ANKH: variants seen among roughly 807,000 people sequenced by gnomAD.
The protein encoded by ANKH is ANKH inorganic pyrophosphate transport regulator.
In ANKH, 15 loss-of-function variants were observed where a neutral mutation model predicts 49.0. That is an observed-to-expected ratio of 0.31 (90% CI 0.20 to 0.47). The LOEUF (loss-of-function observed/expected upper bound fraction) is 0.47. Ranked by LOEUF, ANKH falls within the 20% of genes least tolerant of loss-of-function variation. The probability of loss-of-function intolerance (pLI) is 1.00; values close to 1 mark genes in which losing one functional copy is unlikely to be tolerated. For synonymous variants in ANKH, 273 were observed against 260.0 expected (o/e 1.05, Z -0.48); for missense variants, 429 against 652.0 (o/e 0.66, Z 3.72).
Position 14,770,970 on chromosome 5 carries a change from C to T in ANKH, c.97-1779G>A, listed in dbSNP as rs1739411236. On this transcript the variant is annotated intron_variant, in intron 1 of 11. Transcript: ENST00000284268. The surrounding 1 kb of genome is among the most constrained non-coding windows in gnomAD (Gnocchi z 4.1). ...TCATATTCAGTCTCTGCTATGTAAACTGAAAGAAGAAATGAAAGAAATGCA... is the reference window on the plus strand; with the variant it reads ...TCATATTCAGTCTCTGCTATGTAAATTGAAAGAAGAAATGAAAGAAATGCA... 6.6e-6 allele frequency among the ~76,000 whole-genome samples: 1 copy of T among 152,206 alleles called. No homozygotes were observed. The highest frequency in any genetic ancestry group is 6.5e-5 in the Admixed American group (1 of 15,280).
intron 1 of ANKH, among the ~76,000 whole-genome samples, chr5:14,806,341 T>A (rs1050698975): frequency 1.3e-4 from 19 of 151,134 alleles, no homozygotes; most frequent in African/African-American, 4.4e-4. Context: ...AAATACCCAA[T>A]CCATAGAAGC....
Position 14,780,109 on chromosome 5 carries a change from G to T in ANKH, c.97-10918C>A, listed in dbSNP as rs575093137. Among the ~76,000 whole-genome samples the T allele has an allele frequency of 2.7e-5, 4 of 150,492 alleles. No homozygotes were observed. The Admixed American group carries it at 2.7e-4, about 10-fold the overall frequency. ...GGAGAAGCTGAGTGTGCCGCTGACA[G>T]AGAACCACGTTTCACTGTGAATGAA... On this transcript the variant is annotated intron_variant, in intron 1 of 11. Transcript: ENST00000284268.
Position 14,709,632 on chromosome 5 carries a change from A to C in ANKH, c.*1565T>G, listed in dbSNP as rs987189439. 1 of 152,354 alleles carries C rather than the reference A, an allele frequency of 6.6e-6. No individual in the cohort carries two copies. Among genetic ancestry groups the C allele is most frequent in the African/African-American group, 2.4e-5 (1 of 41,430 alleles). The allele number at this position is 152,354 out of a possible 1,614,324, so 9.4% of individuals were successfully genotyped here. A position where few individuals can be genotyped will look rare whatever the true frequency, so the allele number is the denominator to read the frequency against. ...TTTTGCCTTTCCAGCTTGCACTTCT[A>C]TTCCTACTCCAGTGACCCATTTATT... On this transcript the variant is annotated 3_prime_UTR_variant, in exon 12 of 12. Coordinates refer to ENST00000284268, the MANE Select transcript of ANKH (RefSeq NM_054027.6).
chr5:14,745,515 T>C lies in ANKH; in HGVS notation c.915+355A>G, dbSNP rs990043426. On this transcript the variant is annotated intron_variant, in intron 7 of 11. Transcript: ENST00000284268. This position sits in a 1 kb window ranked among gnomAD's most constrained non-coding sequence, Gnocchi z 4.7. ...TACACCTTAGCCATCTGGTATGGGG[T>C]CAGCAAAGCATTCGTTTAAAGAAAC... Among the ~76,000 whole-genome samples the C allele has an allele frequency of 2.0e-5, 3 of 152,136 alleles. No homozygotes were observed. Among genetic ancestry groups the C allele is most frequent in the Non-Finnish European group, 2.9e-5 (2 of 68,028 alleles).
chr5:14,786,753 G>A (rs1739989045), intron 1 of ANKH, among the ~76,000 whole-genome samples: 1 of 152,206 alleles, frequency 6.6e-6, no homozygotes, highest in African/African-American at 2.4e-5. Flanking sequence ...TGTGGAAAAG[G>A]AATATATCAA....
In ANKH at chr5:14,858,428, C is replaced by T. The variant is rs568010089; in HGVS notation, c.96+12924G>A. Among the ~76,000 whole-genome samples the T allele has an allele frequency of 8.5e-5, 13 of 152,202 alleles. No homozygotes were observed. In the South Asian group the frequency reaches 1.5e-3, roughly 17 times the overall value. ...GGTTACAATATTGTTTTAAAATATACGCATAGTGCCAGATGTGGTGGCTCT... is the reference window on the plus strand; with the variant it reads ...GGTTACAATATTGTTTTAAAATATATGCATAGTGCCAGATGTGGTGGCTCT... On this transcript the variant is annotated intron_variant, in intron 1 of 11. Coordinates refer to ENST00000284268, the MANE Select transcript of ANKH (RefSeq NM_054027.6).
chr5:14,761,804 C>A (rs113527248), intron 2 of ANKH, among the ~76,000 whole-genome samples: 5,559 of 151,470 alleles, frequency 0.037, 128 homozygotes, highest in Non-Finnish European at 0.046. Context: ...CGCTCTGTCT[C>A]GCCCAGGGTG....
At chr5:14,775,272 T>C (rs1384150388) in intron 1 of ANKH, among the ~76,000 whole-genome samples, 2 of 152,112 alleles carry the variant, frequency 1.3e-5, no homozygotes, top group Non-Finnish European at 2.9e-5. Flanking sequence ...TCTTGCTGTG[T>C]GGCCCAGGCT....
At chr5:14,723,138 TG>T (rs1737720920) in intron 8 of ANKH, among the ~76,000 whole-genome samples, 15 of 151,986 alleles carry the variant, frequency 9.9e-5, no homozygotes, top group Non-Finnish European at 4.4e-5. Flanking sequence ...CATAATGTGG[TG>T]TCTTGGATGA....
intron 1 of ANKH, among the ~76,000 whole-genome samples, chr5:14,793,133 CACTT>C (rs1213212253): frequency 5.0e-4 from 70 of 140,774 alleles, no homozygotes; most frequent in Middle Eastern, 4.0e-3. Flanking sequence ...AATAAAACAA[CACTT>C]AGTTACAACA....
At chr5:14,869,412 C>A (rs890032997) in intron 1 of ANKH, 1 of 152,224 alleles carries the variant, frequency 6.6e-6, no homozygotes, top group Non-Finnish European at 1.5e-5. Flanking sequence ...AAAATATCTC[C>A]GCCCTCCAGG....
chr5:14,811,143 C>T (rs1353937278), intron 1 of ANKH, among the ~76,000 whole-genome samples: 5 of 151,402 alleles, frequency 3.3e-5, no homozygotes, highest in African/African-American at 4.9e-5. Flanking sequence ...ATTCTGAACA[C>T]GTTACTTTGG....
At chr5:14,848,268 G>A (rs1264335069) in intron 1 of ANKH, among the ~76,000 whole-genome samples, 1 of 152,202 alleles carries the variant, frequency 6.6e-6, no homozygotes, top group East Asian at 1.9e-4. Flanking sequence ...GTAGTGAAGA[G>A]AGTAGTGAAG....
intron 1 of ANKH, among the ~76,000 whole-genome samples, chr5:14,818,631 C>G (rs1741110342): frequency 1.1e-5 from 1 of 88,696 alleles, no homozygotes; most frequent in Non-Finnish European, 2.0e-5. Context: ...GTGACAAGAG[C>G]AAAACTCCAT....
rs1463116180 is a variant in ANKH at position 14,709,907 on chromosome 5, A to G, written c.*1290T>C. ...CATAACATATACAGCATATATTTAT[A>G]TCTTTAAAATATTTTTTTTTTTAGG... On this transcript the variant is annotated 3_prime_UTR_variant, in exon 12 of 12. Transcript: ENST00000284268. 1.3e-5 allele frequency: 2 copies of G among 152,596 alleles called. No individual in the cohort carries two copies. The highest frequency in any genetic ancestry group is 2.9e-5 in the Non-Finnish European group (2 of 68,046). 9.5% of individuals were successfully genotyped at this position (152,596 alleles called of 1,614,324 possible). A position where few individuals can be genotyped will look rare whatever the true frequency, so the allele number is the denominator to read the frequency against.
intron 2 of ANKH, among the ~76,000 whole-genome samples, chr5:14,762,157 C>A (rs1319256862): frequency 6.6e-6 from 1 of 152,192 alleles, no homozygotes; most frequent in African/African-American, 2.4e-5. Context: ...AATCCTCAAT[C>A]CTGGCCCAAA....
intron 1 of ANKH, among the ~76,000 whole-genome samples, chr5:14,821,711 G>A (rs2126587161): frequency 6.6e-6 from 1 of 152,272 alleles, no homozygotes; most frequent in African/African-American, 2.4e-5. Context: ...ACTAAAGAAA[G>A]CACTGTGACT....
intron 1 of ANKH, among the ~76,000 whole-genome samples, chr5:14,851,046 G>A (rs1742108755): frequency 6.6e-6 from 1 of 152,120 alleles, no homozygotes; most frequent in Admixed American, 6.5e-5. Flanking sequence ...GAGAATTCCA[G>A]GAGGACTGCG....
At chr5:14,752,865 G>T (rs1738765056) in intron 4 of ANKH, among the ~76,000 whole-genome samples, 2 of 152,120 alleles carry the variant, frequency 1.3e-5, no homozygotes, top group African/African-American at 4.8e-5. Flanking sequence ...GAATGAAAGA[G>T]AAGTGAAAAA....
Sources: gnomAD v4.1 joint callset for allele counts (sites outside exome capture counted in the v4.1 genomes callset) on GRCh38, gnomAD v4.1.1 for gene constraint, Gnocchi (gnomAD v3.1) non-coding constraint, MANE v1.5 for transcripts, NCBI Gene and HGNC (gene_info 2026-07-23, HGNC 2026-07-21) for gene names.